Variants in THSD7B observed in about 807,000 individuals in gnomAD.
THSD7B encodes thrombospondin type 1 domain containing 7B, also known as thrombospondin type-1 domain-containing protein 7B.
THSD7B carries 138 observed loss-of-function variants against 213.6 expected under a neutral mutation model. The ratio of observed to expected loss-of-function variants is 0.65; its 90% confidence interval spans 0.56 to 0.74. The LOEUF is 0.74. THSD7B is among the 30% of genes least tolerant of loss of function. THSD7B has a pLI of 0.00. For missense variants in THSD7B, 1,931 were observed against 1,991.5 expected (o/e 0.97, Z 0.58); for synonymous variants, 742 against 687.0 (o/e 1.08, Z -1.25).
At chr2:137,192,376 G>A (rs896879410) in intron 7 of THSD7B, among the ~76,000 whole-genome samples, 11 of 152,168 alleles carry the variant, frequency 7.2e-5, no homozygotes, top group Non-Finnish European at 2.9e-5. Context: ...GGAGAAGAGT[G>A]AAGTGATATT....
At chr2:137,166,258 T>A (rs534021549) in intron 6 of THSD7B, among the ~76,000 whole-genome samples, 26 of 152,204 alleles carry the variant, frequency 1.7e-4, no homozygotes, top group Non-Finnish European at 3.4e-4. Flanking sequence ...GGTCAGGTTT[T>A]ATCATTTATT....
intron 1 of THSD7B, among the ~76,000 whole-genome samples, chr2:136,873,027 A>T (rs1683464202): frequency 6.7e-6 from 1 of 148,576 alleles, no homozygotes; most frequent in Non-Finnish European, 1.5e-5. Flanking sequence ...CATCTAAAAA[A>T]AAAAAAAAAA....
Position 137,434,649 on chromosome 2 carries a change from A to T in THSD7B, c.2960-16196A>T, listed in dbSNP as rs539982170. On this transcript the variant is annotated intron_variant, in intron 14 of 27. Coordinates refer to ENST00000409968, the MANE Select transcript of THSD7B (RefSeq NM_001316349.2). The stretch of plus-strand genomic sequence containing the variant: ...ATGTGGGGATGTAACTGCAGAACAG[A>T]TTTCCCACACTGAGTCTTTGCTTTA... Among the ~76,000 whole-genome samples, 3 of 152,298 alleles carry T rather than the reference A, an allele frequency of 2.0e-5. No individual in the cohort carries two copies. The East Asian group carries it at 5.8e-4, about 29-fold the overall frequency.
intron 7 of THSD7B, among the ~76,000 whole-genome samples, chr2:137,216,274 G>A (rs1045847721): frequency 1.9e-4 from 1 of 5,390 alleles, no homozygotes; most frequent in Non-Finnish European, 5.0e-4. Context: ...CCTGCCCCCC[G>A]CCCCCCACCC....
intron 1 of THSD7B, among the ~76,000 whole-genome samples, chr2:136,816,388 C>A (rs973709430): frequency 6.6e-6 from 1 of 152,164 alleles, no homozygotes; most frequent in African/African-American, 2.4e-5. Flanking sequence ...GCTTCTTCAA[C>A]CTGGTATCCT....
intron 17 of THSD7B, among the ~76,000 whole-genome samples, chr2:137,592,153 TTA>T (rs1476454426): frequency 1.3e-5 from 2 of 151,830 alleles, no homozygotes; most frequent in East Asian, 1.9e-4. Context: ...TTACTACTGA[TTA>T]TGTTTTATTT....
chr2:137,502,692 G>A (rs1679738227), intron 15 of THSD7B, among the ~76,000 whole-genome samples: 1 of 152,112 alleles, frequency 6.6e-6, no homozygotes. Context: ...TTTAATCCTT[G>A]AGATAGTCCC....
At chr2:137,448,794 A>G (rs1039998408) in intron 14 of THSD7B, among the ~76,000 whole-genome samples, 3 of 143,226 alleles carry the variant, frequency 2.1e-5, no homozygotes, top group Non-Finnish European at 4.5e-5. Context: ...GCGAGACTCC[A>G]TCTCAAAACA....
chr2:137,050,535 C>G (rs552493659), intron 2 of THSD7B, among the ~76,000 whole-genome samples: 39 of 152,306 alleles, frequency 2.6e-4, no homozygotes, highest in Non-Finnish European at 5.0e-4. Context: ...GGAACATTAG[C>G]AACAAAGCTT....
At chr2:136,860,075 C>T (rs919241760) in intron 1 of THSD7B, among the ~76,000 whole-genome samples, 27 of 140,244 alleles carry the variant, frequency 1.9e-4, no homozygotes, top group African/African-American at 6.2e-4. Flanking sequence ...TGGAGTGCAG[C>T]GGCGTGATCT....
chr2:137,070,208 A>G (rs1573801877), intron 3 of THSD7B, among the ~76,000 whole-genome samples: 1 of 149,222 alleles, frequency 6.7e-6, no homozygotes, highest in Non-Finnish European at 1.5e-5. Context: ...GTAGCAAGTT[A>G]TATAATCCTT....
intron 7 of THSD7B, among the ~76,000 whole-genome samples, chr2:137,204,420 G>A (rs894211539): frequency 1.3e-5 from 2 of 152,080 alleles, no homozygotes; most frequent in African/African-American, 4.8e-5. Context: ...CTGTGTCACA[G>A]TGTAAGCTGT....
intron 21 of THSD7B, among the ~76,000 whole-genome samples, chr2:137,654,473 G>A (rs1210755977): frequency 6.6e-6 from 1 of 152,184 alleles, no homozygotes; most frequent in African/African-American, 2.4e-5. Context: ...GGTTGAGGCA[G>A]GGACAGGCCT....
intron 7 of THSD7B, among the ~76,000 whole-genome samples, chr2:137,221,117 T>C (rs1681359745): frequency 6.6e-6 from 1 of 151,924 alleles, no homozygotes; most frequent in Non-Finnish European, 1.5e-5. Flanking sequence ...TGAAACCCCG[T>C]CTCTCTTAAA....
intron 3 of THSD7B, among the ~76,000 whole-genome samples, chr2:137,068,224 A>C (rs1687416067): frequency 6.6e-6 from 1 of 151,958 alleles, no homozygotes; most frequent in African/African-American, 2.4e-5. Context: ...GAAGTTCCTT[A>C]CATGCCAGAG....
At chr2:137,360,396 G>A (rs1344623398) in intron 12 of THSD7B, among the ~76,000 whole-genome samples, 1 of 152,156 alleles carries the variant, frequency 6.6e-6, no homozygotes, top group Non-Finnish European at 1.5e-5. Flanking sequence ...AGGGTGAGCT[G>A]AAGCAGAGTG....
intron 2 of THSD7B, among the ~76,000 whole-genome samples, chr2:137,050,266 A>G (rs1427715358): frequency 1.3e-5 from 2 of 152,172 alleles, no homozygotes; most frequent in Non-Finnish European, 2.9e-5. Context: ...AAATATTGAT[A>G]AACAATTTTT....
intron 26 of THSD7B, among the ~76,000 whole-genome samples, chr2:137,665,788 G>A (rs1683434693): frequency 6.6e-6 from 1 of 152,076 alleles, no homozygotes; most frequent in African/African-American, 2.4e-5. Flanking sequence ...ATATAACTGT[G>A]TCATGGTTTA....
At chr2:136,809,112 A>G (rs555543581) in intron 1 of THSD7B, among the ~76,000 whole-genome samples, 1 of 152,320 alleles carries the variant, frequency 6.6e-6, no homozygotes, top group East Asian at 1.9e-4. Context: ...TTTTCATATA[A>G]ACATATAATA....
Sources: gnomAD v4.1 joint callset for allele counts (sites outside exome capture counted in the v4.1 genomes callset) on GRCh38, gnomAD v4.1.1 for gene constraint, MANE v1.5 for transcripts, NCBI Gene and HGNC (gene_info 2026-07-23, HGNC 2026-07-21) for gene names.